Variants in TMEM117 observed in about 807,000 individuals in gnomAD.
TMEM117 encodes the protein transmembrane protein 117.
Under a neutral mutation model 52.4 loss-of-function variants are expected in TMEM117, and 27 were observed. The ratio of observed to expected loss-of-function variants is 0.51; its 90% CI spans 0.38 to 0.71. TMEM117 has a LOEUF of 0.71. TMEM117 is among the 30% of genes least tolerant of loss of function. The pLI, the probability that TMEM117 is intolerant of heterozygous loss-of-function variation, is 0.00. For missense variants in TMEM117, 556 were observed against 630.5 expected, an observed-to-expected ratio of 0.88 and a Z score of 1.26; for synonymous variants, 215 against 206.3, an observed-to-expected ratio of 1.04 and a Z score of -0.36.
chr12:44,213,970 A>G (rs901924781), intron 5 of TMEM117, among the ~76,000 whole-genome samples: 2 of 151,978 alleles, frequency 1.3e-5, no homozygotes, highest in African/African-American at 4.8e-5. Context: ...CATGTATACT[A>G]TTTGCAAGGG....
intron 4 of TMEM117, among the ~76,000 whole-genome samples, chr12:44,186,814 C>A (rs1949284237): frequency 6.6e-6 from 1 of 152,050 alleles, no homozygotes; most frequent in Non-Finnish European, 1.5e-5. Context: ...ACTAAAAAAG[C>A]AAAATGGATT....
At chr12:44,132,231 A>T (rs1180157127) in intron 3 of TMEM117, among the ~76,000 whole-genome samples, 4 of 150,594 alleles carry the variant, frequency 2.7e-5, no homozygotes, top group Non-Finnish European at 3.0e-5. Flanking sequence ...TTTAACCTAG[A>T]CAAATAACAT....
At chr12:43,907,435 G>A (rs1944412363) in intron 2 of TMEM117, among the ~76,000 whole-genome samples, 1 of 151,392 alleles carries the variant, frequency 6.6e-6, no homozygotes, top group African/African-American at 2.4e-5. Context: ...AAAAAGCGGA[G>A]CGCCTCTCCT....
chr12:44,107,107 GTT>G lies in TMEM117; in HGVS notation c.411-36416_411-36415del, dbSNP rs1947969241. On this transcript the variant is annotated intron_variant, in intron 3 of 7. Transcript: ENST00000266534. The stretch of plus-strand genomic sequence containing the variant: ...GTACTTAGTAGAGGTCAGGCACAAA[GTT>G]TAAGTGCTTTACAATAAATTATCTC... Among the ~76,000 whole-genome samples, 3 of 152,068 alleles carry G rather than the reference GTT, an allele frequency of 2.0e-5. No individual in the cohort carries two copies. In the South Asian group the frequency reaches 6.2e-4, roughly 32 times the overall value.
intron 3 of TMEM117, among the ~76,000 whole-genome samples, chr12:43,978,281 GC>G (rs1203849696): frequency 6.6e-6 from 1 of 152,164 alleles, no homozygotes; most frequent in Non-Finnish European, 1.5e-5. Context: ...TGTTGATCCA[GC>G]AATTGCTGAA....
chr12:43,803,666 A>AT, the TMEM117 span, among the ~76,000 whole-genome samples: 1 of 152,082 alleles, frequency 6.6e-6, no homozygotes. Flanking sequence ...TTAGCTCAGT[A>AT]TTTTTAAAAT....
At chr12:44,211,208 T>C in intron 4 of TMEM117, 82 bp from the exon 5 acceptor site, 1 of 922,504 alleles carries the variant, frequency 1.1e-6, no homozygotes, top group South Asian at 1.4e-5. Context: ...CTGTTCTCAA[T>C]AGAATGTAAA....
chr12:43,992,281 G>A (rs192121903), intron 3 of TMEM117, among the ~76,000 whole-genome samples: 21 of 151,816 alleles, frequency 1.4e-4, no homozygotes, highest in Non-Finnish European at 2.8e-4. Flanking sequence ...TAATTAATTT[G>A]TTTAATTTAG....
intron 3 of TMEM117, among the ~76,000 whole-genome samples, chr12:43,993,046 G>T (rs1360080349): frequency 6.6e-6 from 1 of 152,190 alleles, no homozygotes; most frequent in Admixed American, 6.5e-5. Context: ...TGCAAGAAAA[G>T]CTACAGAAAG....
intron 3 of TMEM117, among the ~76,000 whole-genome samples, chr12:43,999,690 C>T (rs1197904669): frequency 6.6e-6 from 1 of 152,088 alleles, no homozygotes; most frequent in African/African-American, 2.4e-5. Flanking sequence ...CGGGGTTTCA[C>T]CATGTTGCCC....
rs201107318 is a variant in TMEM117, at chr12:44,047,238, A to AT, written c.411-96281dup. ...AGTGTCAGCAGTCTTTGATTCTGTTATTTTTTGCTCTCTGCATTCAGGTTG... is the reference window on the plus strand; with the variant it reads ...AGTGTCAGCAGTCTTTGATTCTGTTATTTTTTTGCTCTCTGCATTCAGGTTG... On this transcript the variant is annotated intron_variant, in intron 3 of 7. Coordinates refer to ENST00000266534, the MANE Select transcript of TMEM117 (RefSeq NM_032256.3). Among the ~76,000 whole-genome samples the AT allele has an allele frequency of 7.1e-3, 1,074 of 151,894 alleles. 11 individuals are homozygous for AT. Among genetic ancestry groups the AT allele is most frequent in the African/African-American group, 0.024 (998 of 41,396 alleles).
chr12:44,181,386 T>G (rs1949196299), intron 4 of TMEM117, among the ~76,000 whole-genome samples: 1 of 152,152 alleles, frequency 6.6e-6, no homozygotes, highest in Non-Finnish European at 1.5e-5. Context: ...TTTTGTCTTC[T>G]GTTGCCATTG....
At chr12:44,346,605 G>C (rs1951490951) in intron 6 of TMEM117, among the ~76,000 whole-genome samples, 1 of 152,104 alleles carries the variant, frequency 6.6e-6, no homozygotes, top group Non-Finnish European at 1.5e-5. Flanking sequence ...CATGGTATAG[G>C]CAGCAGGACA....
intron 3 of TMEM117, chr12:44,009,419 A>ACAACCACTT (rs1292520594): frequency 2.5e-5 from 5 of 203,944 alleles, no homozygotes; most frequent in Non-Finnish European, 4.1e-5. Context: ...AGAAAAATAC[A>ACAACCACTT]CAACCACTTC....
intron 3 of TMEM117, among the ~76,000 whole-genome samples, chr12:44,101,930 C>T (rs553255445): frequency 6.6e-6 from 1 of 151,884 alleles, no homozygotes; most frequent in Admixed American, 6.6e-5. Context: ...GGAAATAGGG[C>T]GTATGTAACT....
chr12:44,211,293 A>G lies in TMEM117; in HGVS notation c.514A>G (p.Thr172Ala). 1.9e-6 allele frequency: 3 copies of G among 1,607,080 alleles called. No homozygotes were observed. The highest frequency in any genetic ancestry group is 2.6e-6 in the Non-Finnish European group (3 of 1,176,112). The change falls in exon 5 of 8, where the codon ACT (threonine) becomes GCT (alanine). Residue 172 changes from threonine to alanine, a missense_variant. Coordinates refer to ENST00000266534, the MANE Select transcript of TMEM117 (RefSeq NM_032256.3). ...MGDFVTAWMVTDMMLQDKPYP... is the reference protein window; with the variant it reads ...MGDFVTAWMVADMMLQDKPYP... ...TAAGTTCCTTTCATTGCTTCAGGTCACTGATATGATGCTTCAGGACAAACC... is the reference window on the plus strand; with the variant it reads ...TAAGTTCCTTTCATTGCTTCAGGTCGCTGATATGATGCTTCAGGACAAACC...
intron 3 of TMEM117, among the ~76,000 whole-genome samples, chr12:43,960,588 T>A (rs1449126642): frequency 6.6e-6 from 1 of 152,168 alleles, no homozygotes; most frequent in Admixed American, 6.5e-5. Context: ...AGTGCTTTAT[T>A]ACCTATTCAG....
chr12:43,807,182 A>G, the TMEM117 span, among the ~76,000 whole-genome samples: 14 of 152,006 alleles, frequency 9.2e-5, no homozygotes, highest in South Asian at 2.7e-3. Flanking sequence ...GCTAGTTCTT[A>G]TTTTTAGGGC....
At chr12:44,220,698 A>G (rs527686528) in intron 5 of TMEM117, among the ~76,000 whole-genome samples, 2 of 152,210 alleles carry the variant, frequency 1.3e-5, no homozygotes, top group South Asian at 4.2e-4. Context: ...ATAGAAGATG[A>G]TCCTGCAGCA....
Sources: allele counts gnomAD v4.1 joint callset (sites outside exome capture counted in the v4.1 genomes callset), GRCh38; gene constraint gnomAD v4.1.1; transcripts MANE v1.5; gene names NCBI Gene and HGNC (gene_info 2026-07-23, HGNC 2026-07-21).